The following ERCC2 variants were observed in gnomAD, a reference collection of about 807,000 sequenced individuals.
ERCC2 encodes ERCC excision repair 2, TFIIH core complex helicase subunit, also known as general transcription and DNA repair factor IIH helicase subunit XPD.
ERCC2 carries 90 observed loss-of-function variants against 99.4 expected under a neutral mutation model. That is an observed-to-expected ratio of 0.91 (90% CI 0.76 to 1.08). ERCC2 has a LOEUF of 1.08. Among genes scored for constraint, ERCC2 ranks in the 50% least tolerant of loss-of-function variants. The pLI is 0.00. For missense variants in ERCC2, 993 were observed against 1,038.1 expected (o/e 0.96, Z 0.60); for synonymous variants, 497 against 432.4 (o/e 1.15, Z -1.85).
rs775446858 is a variant in ERCC2 at position 45,352,312 on chromosome 19, C to T, written c.2087G>A (p.Trp696Ter). ...GGCATCTGTGAGGTGCTCCTGGATC[C>T]AGCGGGGCAGCTTCCCCCGCTTGTC... ...RGDKRGKLPR[W>*]IQEHLTDANL... Residue 696 changes from tryptophan (W) to a stop codon, truncating the protein, a stop_gained, in exon 22 of 23, where the codon TGG becomes TAG. Coordinates refer to ENST00000391945, the MANE Select transcript of ERCC2 (RefSeq NM_000400.4). LOFTEE classifies it high-confidence loss of function. 3.7e-6 allele frequency: 6 copies of T among 1,614,124 alleles called. No homozygotes were observed. The highest frequency in any genetic ancestry group is 5.1e-6 in the Non-Finnish European group (6 of 1,180,026).
In ERCC2 at chr19:45,350,361, G is replaced by C. The variant is rs755453083; in HGVS notation, c.*1268C>G. On this transcript the variant is annotated 3_prime_UTR_variant, in exon 23 of 23. Transcript: ENST00000391945. ...CGCAGGCCTCAGCCTACCTGAAACA[G>C]AACAAGTATCAACAAGCGGAAGAGC... 9 of 1,613,294 alleles carry C rather than the reference G, an allele frequency of 5.6e-6. No individual in the cohort carries two copies. The highest frequency in any genetic ancestry group is 2.2e-5 in the East Asian group (1 of 44,834).
chr19:45,366,046 A>T (rs953519491), intron 5 of ERCC2, among the ~76,000 whole-genome samples: 1 of 151,998 alleles, frequency 6.6e-6, no homozygotes, highest in African/African-American at 2.4e-5. Flanking sequence ...TATGTTGCCC[A>T]GGCTGGTCTC....
chr19:45,356,863 G>T (rs953269945), intron 15 of ERCC2, among the ~76,000 whole-genome samples: 2 of 152,160 alleles, frequency 1.3e-5, no homozygotes, highest in African/African-American at 2.4e-5. Flanking sequence ...GGGACTGAGG[G>T]CTCATGTTGA....
In ERCC2 at chr19:45,350,964, G is replaced by A. The variant is rs758846386; in HGVS notation, c.*665C>T. On this transcript the variant is annotated 3_prime_UTR_variant, in exon 23 of 23. Coordinates refer to ENST00000391945, the MANE Select transcript of ERCC2 (RefSeq NM_000400.4). ...CTGCCCTCTTTGCAGAATGAAGAGA[G>A]CCATGTCACTCAACACACTGAACGT... 1 of 1,614,132 alleles carries A rather than the reference G, an allele frequency of 6.2e-7. No homozygotes were observed. The highest frequency in any genetic ancestry group is 1.1e-5 in the South Asian group (1 of 91,090).
intron 11 of ERCC2, 44 bp downstream of exon 11, chr19:45,363,699 G>C (rs945862870): frequency 1.3e-6 from 2 of 1,515,842 alleles, no homozygotes. Context: ...CTGCATAACC[G>C]GGACCTGCCG....
Position 45,370,555 on chromosome 19 carries a change from T to A in ERCC2, c.-15A>T. 2 of 1,581,014 alleles carry A rather than the reference T, an allele frequency of 1.3e-6. No homozygotes were observed. The highest frequency in any genetic ancestry group is 1.7e-6 in the Non-Finnish European group (2 of 1,167,614). On this transcript the variant is annotated 5_prime_UTR_variant, in exon 1 of 23. Transcript: ENST00000391945. ...TCTCACTTCATGGCGCCGGCCGGAC[T>A]GTGCAGCGGGGTCGACCCGCCTCCC...
chr19:45,351,732 CAG>C lies in ERCC2; in HGVS notation c.2191-13_2191-12del, dbSNP rs1286017256. 1.9e-6 allele frequency: 3 copies of C among 1,613,440 alleles called. No homozygotes were observed. The highest frequency in any genetic ancestry group is 2.2e-5 in the East Asian group (1 of 44,878). Reference sequence around the variant, plus strand: ...GCCCAGCTGATCCTCCTGCAGAGAACAGAGGAAAGGGAGAGGGGGGCACTGTT... The same window carrying C: ...GCCCAGCTGATCCTCCTGCAGAGAACAGGAAAGGGAGAGGGGGGCACTGTT... On this transcript the variant is annotated splice_polypyrimidine_tract_variant and intron_variant, in intron 22 of 22. Coordinates refer to ENST00000391945, the MANE Select transcript of ERCC2 (RefSeq NM_000400.4).
rs1295205939 is a variant in ERCC2 at position 45,364,412 on chromosome 19, C to T, written c.718+12G>A. On this transcript the variant is annotated intron_variant, in intron 8 of 22. Transcript: ENST00000391945. The stretch of plus-strand genomic sequence containing the variant: ...GGGCTGGCATCCCTTTGGCCCCTGG[C>T]GCCCCCCTCACCAATGTTGTGGGCC... The T allele has an allele frequency of 8.1e-6, 13 of 1,613,676 alleles. No homozygotes were observed. The highest frequency in any genetic ancestry group is 1.0e-5 in the Non-Finnish European group (12 of 1,179,952).
intron 11 of ERCC2, 33 bp from the exon 12 acceptor site, chr19:45,361,675 G>T: frequency 1.3e-6 from 2 of 1,493,684 alleles, no homozygotes; most frequent in South Asian, 1.1e-5. Context: ...TCGGGGGGCA[G>T]ACGGAAGCAT....
intron 1 of ERCC2, 37 bp downstream of exon 1, chr19:45,370,499 G>T: frequency 2.4e-6 from 3 of 1,264,480 alleles, no homozygotes; most frequent in Admixed American, 2.3e-5. Context: ...GACCCCCCGC[G>T]CCCGCTAGCG....
Position 45,350,405 on chromosome 19 carries a change from A to G in ERCC2, c.*1224T>C. 3.1e-6 allele frequency: 5 copies of G among 1,613,154 alleles called. No homozygotes were observed. Among genetic ancestry groups the G allele is most frequent in the Non-Finnish European group, 4.2e-6 (5 of 1,179,708 alleles). On this transcript the variant is annotated 3_prime_UTR_variant, in exon 23 of 23. Transcript: ENST00000391945. The stretch of plus-strand genomic sequence containing the variant: ...GAAGAGCTGTACAAAGAAATCCTCC[A>G]CAAGGAGGACCTACCCGCCCCTCTC...
At chr19:45,355,447 T>C (rs1325331045) in intron 16 of ERCC2, among the ~76,000 whole-genome samples, 1 of 152,242 alleles carries the variant, frequency 6.6e-6, no homozygotes. Context: ...TGTCACATTA[T>C]GCTGCCTCTG....
Position 45,357,632 on chromosome 19 carries a change from G to A in ERCC2, c.1305C>T (p.Phe435=). 1 of 1,614,106 alleles carries A rather than the reference G, an allele frequency of 6.2e-7. No individual in the cohort carries two copies. Residue 435 remains phenylalanine, a splice_region_variant and synonymous_variant, in exon 13 of 23, where the codon TTC becomes TTT. Transcript: ENST00000391945. Reference sequence around the variant, plus strand: ...ACCCTCACCGGGCAGGGTCCCACCTGAAGTGCAGGATGGGGTTGGCAATGG... The same window carrying A: ...ACCCTCACCGGGCAGGGTCCCACCTAAAGTGCAGGATGGGGTTGGCAATGG... ...TPTIANPILH[F]SCMDASLAIK...
At chr19:45,362,861 C>T (rs531344752) in intron 11 of ERCC2, among the ~76,000 whole-genome samples, 49 of 152,382 alleles carry the variant, frequency 3.2e-4, no homozygotes, top group Admixed American at 1.1e-3. Context: ...CCCCAACTAC[C>T]GGGCACAGTG....
At chr19:45,359,369 A>C (rs556662203) in intron 12 of ERCC2, among the ~76,000 whole-genome samples, 1 of 152,272 alleles carries the variant, frequency 6.6e-6, no homozygotes, top group African/African-American at 2.4e-5. Context: ...CGGCCTCGCT[A>C]CCCAGCCCCA....
rs141816180 is a variant in ERCC2 at position 45,364,443 on chromosome 19, G to A, written c.699C>T (p.Phe233=). The part of the protein sequence containing the change: ...KELARKAVVV[F]DEAHNIDNVC... ...CCTCACCAATGTTGTGGGCCTCGTC[G>A]AAGACCACGACGGCCTTGCGGGCCA... The change falls in exon 8 of 23, where the codon TTC becomes TTT. Residue 233 remains phenylalanine, a synonymous_variant. Coordinates refer to ENST00000391945, the MANE Select transcript of ERCC2 (RefSeq NM_000400.4). 4.7e-4 allele frequency: 758 copies of A among 1,613,944 alleles called. 5 individuals are homozygous for A. The African/African-American group carries it at 8.1e-3, about 17-fold the overall frequency.
chr19:45,351,073 T>G lies in ERCC2; in HGVS notation c.*556A>C. Reference sequence around the variant, plus strand: ...GAGGCCATGTGGGTAGGTGCAGAGATGAGGCAAAGGCAGGGCGGTCGGGCC... The same window carrying G: ...GAGGCCATGTGGGTAGGTGCAGAGAGGAGGCAAAGGCAGGGCGGTCGGGCC... On this transcript the variant is annotated 3_prime_UTR_variant, in exon 23 of 23. Transcript: ENST00000391945. 6.2e-7 allele frequency: 1 copy of G among 1,613,502 alleles called. No homozygotes were observed. The highest frequency in any genetic ancestry group is 2.2e-5 in the East Asian group (1 of 44,852).
At chr19:45,364,794 C>T (rs1191165706) in intron 7 of ERCC2, 44 bp downstream of exon 7, 10 of 1,475,912 alleles carry the variant, frequency 6.8e-6, no homozygotes, top group Non-Finnish European at 9.5e-6. Flanking sequence ...GGGCAGCCCA[C>T]ACCCTCACAC....
At position 45,363,822 on chromosome 19, in the gene ERCC2, G is replaced by A. The variant is rs1267835414; in HGVS notation, c.1039C>T (p.Gln347Ter). ...GGCGGGCTCTCCTGCACCACATGCT[G>A]CACACGCAGCCGCCACTTCACGTAC... The part of the protein sequence containing the change: ...LEYVKWRLRV[Q>*]HVVQESPPAF... The change falls in exon 11 of 23, where the codon CAG becomes TAG. Residue 347 changes from glutamine (Q) to a stop codon, truncating the protein, a stop_gained. Transcript: ENST00000391945. LOFTEE classifies it high-confidence loss of function. 6.5e-6 allele frequency: 10 copies of A among 1,540,858 alleles called. No homozygotes were observed. Among genetic ancestry groups the A allele is most frequent in the Non-Finnish European group, 8.7e-6 (10 of 1,149,630 alleles).
Sources: gnomAD v4.1 joint callset for allele counts (sites outside exome capture counted in the v4.1 genomes callset) on GRCh38, gnomAD v4.1.1 for gene constraint, MANE v1.5 for transcripts, NCBI Gene and HGNC (gene_info 2026-07-23, HGNC 2026-07-21) for gene names.